SLK: variants seen among roughly 807,000 people sequenced by gnomAD.
The protein encoded by SLK is STE20 like kinase.
SLK carries 67 observed loss-of-function variants against 147.7 expected under a neutral mutation model. That is an observed-to-expected ratio of 0.45 (90% CI 0.37 to 0.56). The LOEUF is 0.56. Ranked by LOEUF, SLK falls within the 20% of genes least tolerant of loss-of-function variation. The probability of loss-of-function intolerance (pLI) is 0.00; values close to 1 mark genes in which losing one functional copy is unlikely to be tolerated. For synonymous variants in SLK, 441 were observed against 475.0 expected, an observed-to-expected ratio of 0.93 and a Z score of 0.93; for missense variants, 1,136 against 1,438.8, an observed-to-expected ratio of 0.79 and a Z score of 3.41.
intron 4 of SLK, among the ~76,000 whole-genome samples, chr10:103,994,240 CT>C (rs1451532759): frequency 6.6e-6 from 1 of 152,126 alleles, no homozygotes; most frequent in Non-Finnish European, 1.5e-5. Flanking sequence ...AAGTTTAGTA[CT>C]TTGTAGACAT....
chr10:103,978,834 T>C (rs1244731365), intron 1 of SLK, among the ~76,000 whole-genome samples: 1 of 152,170 alleles, frequency 6.6e-6, no homozygotes, highest in African/African-American at 2.4e-5. Flanking sequence ...TGCTGAAATA[T>C]TAGTTAATTT....
At position 104,028,258 on chromosome 10, in the gene SLK, C is replaced by T. The variant is rs578089370; in HGVS notation, c.*2538C>T. ...GCCATGAAACACATACAGACTTCTC[C>T]GAACGTGCACCCTCATCAGCCACCT... On this transcript the variant is annotated 3_prime_UTR_variant, in exon 19 of 19. Coordinates refer to ENST00000369755, the MANE Select transcript of SLK (RefSeq NM_014720.4). The T allele has an allele frequency of 2.6e-5, 4 of 152,160 alleles. No homozygotes were observed. The highest frequency in any genetic ancestry group is 4.8e-5 in the African/African-American group (2 of 41,406). 9.4% of individuals were successfully genotyped at this position (152,160 alleles called of 1,614,324 possible).
chr10:104,011,108 A>G (rs897090692), intron 13 of SLK, among the ~76,000 whole-genome samples, 200 bp downstream of exon 13: 1 of 152,256 alleles, frequency 6.6e-6, no homozygotes, highest in Non-Finnish European at 1.5e-5. Flanking sequence ...TATGAAGTTA[A>G]GTGGAATGTT....
At chr10:103,980,343 C>T (rs1843925261) in intron 1 of SLK, among the ~76,000 whole-genome samples, 1 of 152,128 alleles carries the variant, frequency 6.6e-6, no homozygotes, top group South Asian at 2.1e-4. Flanking sequence ...TTTTTATATC[C>T]TGTGAAGATT....
chr10:104,018,662 A>G, intron 14 of SLK, 122 bp from the exon 15 acceptor site: 1 of 1,001,218 alleles, frequency 1.0e-6, no homozygotes, highest in Non-Finnish European at 1.5e-6. Context: ...ACAGCTCAGA[A>G]TGTCAACATG....
chr10:104,007,358 C>T (rs138019314), intron 11 of SLK, among the ~76,000 whole-genome samples: 1,905 of 152,160 alleles, frequency 0.013, 34 homozygotes, highest in African/African-American at 0.043. Context: ...GTAATCCTAG[C>T]ACTTTGGGAG....
chr10:103,997,059 C>T (rs1181200521), intron 4 of SLK, among the ~76,000 whole-genome samples: 2 of 152,110 alleles, frequency 1.3e-5, no homozygotes, highest in African/African-American at 4.8e-5. Flanking sequence ...AAAGTCTATA[C>T]CCATTAAACA....
chr10:104,024,790 C>T (rs770221653), intron 18 of SLK, among the ~76,000 whole-genome samples: 20 of 152,132 alleles, frequency 1.3e-4, no homozygotes, highest in Non-Finnish European at 2.9e-4. Context: ...GACCAGGGTG[C>T]CAACACGGTC....
In SLK at chr10:104,028,116, A is replaced by G. The variant is rs809821; in HGVS notation, c.*2396A>G. On this transcript the variant is annotated 3_prime_UTR_variant, in exon 19 of 19. Transcript: ENST00000369755. ...GTATTCAAATAGATGATAGTGATCT[A>G]TCTTTCCTGCATGAAGTGTAGGTGG... 0.21 allele frequency: 32,206 copies of G among 152,138 alleles called. 3,798 individuals are homozygous for G. Among genetic ancestry groups the G allele is most frequent in the African/African-American group, 0.31 (12,831 of 41,472 alleles). The allele number at this position is 152,138 out of a possible 1,614,324, so 9.4% of individuals were successfully genotyped here. A position where few individuals can be genotyped will look rare whatever the true frequency, so the allele number is the denominator to read the frequency against.
intron 9 of SLK, among the ~76,000 whole-genome samples, chr10:104,003,772 C>A (rs1008133816): frequency 6.6e-6 from 1 of 152,000 alleles, no homozygotes; most frequent in Non-Finnish European, 1.5e-5. Flanking sequence ...AATATGGTTG[C>A]TTGGTGTGAT....
In SLK at chr10:104,005,573, CAAAAG is replaced by C. The variant is rs1844314112; in HGVS notation, c.2367_2371del (p.Lys789AsnfsTer11). On this transcript the variant is annotated frameshift_variant, in exon 10 of 19. Transcript: ENST00000369755. LOFTEE classifies it high-confidence loss of function. ...AAATCTCACTCAGGAAACAAGAAGA[CAAAAG>C]AAAACATTGAAGAAAACACGCAAAT... 1 of 1,605,390 alleles carries C rather than the reference CAAAAG, an allele frequency of 6.2e-7. No homozygotes were observed. Among genetic ancestry groups the C allele is most frequent in the Non-Finnish European group, 8.5e-7 (1 of 1,177,508 alleles).
At chr10:104,024,325 C>T (rs796545592) in intron 18 of SLK, among the ~76,000 whole-genome samples, 11 of 152,308 alleles carry the variant, frequency 7.2e-5, no homozygotes, top group African/African-American at 2.6e-4. Flanking sequence ...TCCTCAAGGA[C>T]ATCTCTTGAC....
chr10:103,988,478 A>T (rs1348613682), intron 1 of SLK, among the ~76,000 whole-genome samples: 3 of 152,158 alleles, frequency 2.0e-5, no homozygotes, highest in Non-Finnish European at 4.4e-5. Flanking sequence ...TCACAAAAAA[A>T]ATTTGCAACC....
intron 13 of SLK, among the ~76,000 whole-genome samples, chr10:104,012,738 ACT>A (rs922686179): frequency 1.3e-5 from 2 of 150,608 alleles, no homozygotes; most frequent in Non-Finnish European, 3.0e-5. Context: ...TGCAACTTAA[ACT>A]CTCGTCAGCT....
chr10:103,990,372 A>G (rs113579409), intron 1 of SLK, among the ~76,000 whole-genome samples: 5,097 of 152,286 alleles, frequency 0.033, 143 homozygotes, highest in South Asian at 0.11. Flanking sequence ...ATAGCAACAG[A>G]TGTATCACTC....
chr10:104,010,181 T>C (rs913346757), intron 12 of SLK, among the ~76,000 whole-genome samples: 1 of 152,222 alleles, frequency 6.6e-6, no homozygotes, highest in Non-Finnish European at 1.5e-5. Flanking sequence ...GCTTAACTTG[T>C]CAGCAAAGGG....
chr10:103,978,125 G>A (rs1343622998), intron 1 of SLK, among the ~76,000 whole-genome samples: 3 of 151,496 alleles, frequency 2.0e-5, no homozygotes, highest in African/African-American at 7.3e-5. Flanking sequence ...TAAATAATTC[G>A]ACATTGGAAA....
intron 16 of SLK, 117 bp from the exon 17 acceptor site, chr10:104,020,371 T>G: frequency 1.0e-6 from 1 of 975,930 alleles, no homozygotes; most frequent in East Asian, 2.7e-5. Flanking sequence ...TCTCAGCATA[T>G]TATTACTTGT....
At chr10:104,010,785 TC>T in intron 12 of SLK, 30 bp from the exon 13 acceptor site, 1 of 1,363,546 alleles carries the variant, frequency 7.3e-7, no homozygotes, top group South Asian at 1.5e-5. Context: ...AAGTATCATT[TC>T]CCCACCTCCT....
Sources: allele counts gnomAD v4.1 joint callset (sites outside exome capture counted in the v4.1 genomes callset), GRCh38; gene constraint gnomAD v4.1.1; transcripts MANE v1.5; gene names NCBI Gene and HGNC (gene_info 2026-07-23, HGNC 2026-07-21).